CFAP44: variants seen among roughly 807,000 people sequenced by gnomAD.
CFAP44 encodes the protein cilia- and flagella-associated protein 44.
CFAP44 carries 134 observed loss-of-function variants against 216.2 expected under a neutral mutation model. The observed-to-expected ratio is 0.62, with a 90% confidence interval of 0.54 to 0.72. The LOEUF is 0.72. Ranked by LOEUF, CFAP44 falls within the 30% of genes least tolerant of loss-of-function variation. CFAP44 has a pLI of 0.00. For synonymous variants in CFAP44, 700 were observed against 727.6 expected, an observed-to-expected ratio of 0.96 and a Z score of 0.61; for missense variants, 2,035 against 2,182.1, an observed-to-expected ratio of 0.93 and a Z score of 1.34.
intron 13 of CFAP44, chr3:113,397,252 C>T (rs1934016663): frequency 6.5e-6 from 1 of 154,628 alleles, no homozygotes; most frequent in South Asian, 2.0e-4. Context: ...CACAAGCACT[C>T]CTAAGAGAGA....
In CFAP44 at chr3:113,288,303, T is replaced by C. The variant is rs1405208981; in HGVS notation, c.*3254A>G. The C allele has an allele frequency of 2.0e-5, 3 of 152,220 alleles. No homozygotes were observed. Among genetic ancestry groups the C allele is most frequent in the Non-Finnish European group, 2.9e-5 (2 of 68,036 alleles). The allele number at this position is 152,220 out of a possible 1,614,324, so 9.4% of individuals were successfully genotyped here. A position where few individuals can be genotyped will look rare whatever the true frequency, so the allele number is the denominator to read the frequency against. On this transcript the variant is annotated 3_prime_UTR_variant, in exon 35 of 35. Transcript: ENST00000393845. Reference sequence around the variant, plus strand: ...TGCTATTCCTGACTTCTGCATCCTTTTTCCATCAAGCTCAACGTCAGAGAG... The same window carrying C: ...TGCTATTCCTGACTTCTGCATCCTTCTTCCATCAAGCTCAACGTCAGAGAG...
chr3:113,300,605 TA>T (rs1467049867), intron 32 of CFAP44, among the ~76,000 whole-genome samples: 1 of 151,612 alleles, frequency 6.6e-6, no homozygotes, highest in African/African-American at 2.4e-5. Flanking sequence ...GGAAAACCCA[TA>T]ACCAACAAAG....
At chr3:113,426,052 G>A in intron 4 of CFAP44, 72 bp downstream of exon 4, 2 of 1,553,496 alleles carry the variant, frequency 1.3e-6, no homozygotes, top group Admixed American at 1.9e-5. Flanking sequence ...GGCTCCCTGG[G>A]CTATAGTTTG....
At chr3:113,369,401 A>G (rs1001293227) in intron 18 of CFAP44, among the ~76,000 whole-genome samples, 1 of 152,246 alleles carries the variant, frequency 6.6e-6, no homozygotes, top group Admixed American at 6.5e-5. Context: ...AGTGCAATCA[A>G]ACTAGAACTC....
intron 29 of CFAP44, among the ~76,000 whole-genome samples, chr3:113,307,903 C>T (rs1313240705): frequency 6.6e-6 from 1 of 152,136 alleles, no homozygotes. Context: ...TAGCTTGAAC[C>T]CGGGAGGTGG....
intron 12 of CFAP44, 43 bp from the exon 13 acceptor site, chr3:113,400,043 A>AT (rs761113654): frequency 1.5e-6 from 2 of 1,341,824 alleles, no homozygotes; most frequent in Admixed American, 2.5e-5. Context: ...TATATACATA[A>AT]TTTTTTTAAG....
chr3:113,308,976 A>G (rs1950012681), intron 28 of CFAP44, among the ~76,000 whole-genome samples: 1 of 152,176 alleles, frequency 6.6e-6, no homozygotes, highest in African/African-American at 2.4e-5. Flanking sequence ...CTTGGTATGA[A>G]TATTCATGTT....
chr3:113,351,432 T>C (rs1490508785), intron 22 of CFAP44, among the ~76,000 whole-genome samples: 1 of 152,206 alleles, frequency 6.6e-6, no homozygotes, highest in Non-Finnish European at 1.5e-5. Flanking sequence ...GTTTATCTAC[T>C]TCATTATCCT....
intron 6 of CFAP44, among the ~76,000 whole-genome samples, chr3:113,414,203 T>C (rs1400015156): frequency 1.3e-5 from 2 of 152,176 alleles, no homozygotes; most frequent in African/African-American, 4.8e-5. Flanking sequence ...TTTTGCACAT[T>C]GATTTTGTAT....
In CFAP44 at chr3:113,373,450, G is replaced by A. The variant is rs377623503; in HGVS notation, c.2405C>T (p.Ala802Val). The A allele has an allele frequency of 3.4e-5, 54 of 1,604,426 alleles. No individual in the cohort carries two copies. The highest frequency in any genetic ancestry group is 1.3e-4 in the African/African-American group (10 of 74,618). The change falls in exon 18 of 35, where the codon GCG (alanine) becomes GTG (valine). Residue 802 changes from alanine (A) to valine (V), a missense_variant. Ala to Val is a moderately conservative substitution (Grantham distance 64). This residue lies in a region of CFAP44 where 1,883 missense variants were observed against 2,023.7 expected (regional missense o/e 0.93). Transcript: ENST00000393845. ...KDEPIDVRYL[A>V]DTEDNPIQTI... ...TTGGATGGGATTGTCCTCTGTATCCGCAAGATAACGGACATCAATAGGTTC... is the reference window on the plus strand; with the variant it reads ...TTGGATGGGATTGTCCTCTGTATCCACAAGATAACGGACATCAATAGGTTC...
In CFAP44 at chr3:113,441,417, G is replaced by C. The variant is rs138366746; in HGVS notation, c.-6+36C>G. 748 of 985,914 alleles carry C rather than the reference G, an allele frequency of 7.6e-4. 8 individuals are homozygous for C. In the East Asian group the frequency reaches 0.023, roughly 31 times the overall value. The allele number at this position is 985,914 out of a possible 1,614,324, so 61.1% of individuals were successfully genotyped here. On this transcript the variant is annotated intron_variant, in intron 1 of 34. Coordinates refer to ENST00000393845, the MANE Select transcript of CFAP44 (RefSeq NM_001164496.2). ...CTGAGCCACAGATTTAAGGGGGAGGGTGTGGAAACTGCCGGCTGCTGAGGT... is the reference window on the plus strand; with the variant it reads ...CTGAGCCACAGATTTAAGGGGGAGGCTGTGGAAACTGCCGGCTGCTGAGGT...
chr3:113,347,143 G>A (rs902478440), intron 22 of CFAP44, among the ~76,000 whole-genome samples: 17 of 152,192 alleles, frequency 1.1e-4, no homozygotes, highest in Non-Finnish European at 4.4e-5. Flanking sequence ...CCAGTTAAAA[G>A]TGACTAGCGT....
chr3:113,441,419 G>A, intron 1 of CFAP44, 34 bp downstream of exon 1: 1 of 985,930 alleles, frequency 1.0e-6, no homozygotes, highest in Non-Finnish European at 1.2e-6. Flanking sequence ...GGGGGAGGGT[G>A]TGGAAACTGC....
rs550479346 is a variant in CFAP44, at chr3:113,317,133, C to G, written c.4517-8865G>C. Among the ~76,000 whole-genome samples the G allele has an allele frequency of 2.0e-5, 3 of 152,290 alleles. No individual in the cohort carries two copies. In the East Asian group the frequency reaches 5.8e-4, roughly 29 times the overall value. The stretch of plus-strand genomic sequence containing the variant: ...ACTGGGAAAGGGATGAGTAAGAGAA[C>G]TGAGGGATGGCTCACTCTTACCACA... On this transcript the variant is annotated intron_variant, in intron 28 of 34. Coordinates refer to ENST00000393845, the MANE Select transcript of CFAP44 (RefSeq NM_001164496.2).
chr3:113,409,029 A>AAT, intron 7 of CFAP44, 77 bp downstream of exon 7: 2 of 710,110 alleles, frequency 2.8e-6, no homozygotes, highest in Non-Finnish European at 4.3e-6. Flanking sequence ...AAAAAAAAAA[A>AAT]GTCTCCAGCT....
rs1451912217 is a variant in CFAP44 at position 113,288,865 on chromosome 3, CTG to C, written c.*2690_*2691del. On this transcript the variant is annotated 3_prime_UTR_variant, in exon 35 of 35. Coordinates refer to ENST00000393845, the MANE Select transcript of CFAP44 (RefSeq NM_001164496.2). The stretch of plus-strand genomic sequence containing the variant: ...GAAGTTGTGACAGAGGGGCTGGACT[CTG>C]TGGTTTCTTTTTCTTCCAATGCTGA... The C allele has an allele frequency of 1.3e-5, 2 of 152,284 alleles. No homozygotes were observed. The highest frequency in any genetic ancestry group is 6.5e-5 in the Admixed American group (1 of 15,286). 9.4% of individuals were successfully genotyped at this position (152,284 alleles called of 1,614,324 possible). A position where few individuals can be genotyped will look rare whatever the true frequency, so the allele number is the denominator to read the frequency against.
intron 3 of CFAP44, among the ~76,000 whole-genome samples, chr3:113,426,526 A>C (rs976366479): frequency 2.6e-5 from 4 of 152,190 alleles, no homozygotes; most frequent in African/African-American, 9.7e-5. Flanking sequence ...CCATTATGTG[A>C]AGAAGGACAT....
At chr3:113,309,649 A>G (rs1458668482) in intron 28 of CFAP44, among the ~76,000 whole-genome samples, 1 of 152,194 alleles carries the variant, frequency 6.6e-6, no homozygotes, top group Non-Finnish European at 1.5e-5. Context: ...GAGGTCATCT[A>G]TGAACTACAG....
At position 113,401,741 on chromosome 3, in the gene CFAP44, T is replaced by G. The variant is rs199710959; in HGVS notation, c.1171-2A>C. ...GTCTATTGTCTCAAAATCCCATATCTTGTAAAATGAAAAGAAAATACTTTA... is the reference window on the plus strand; with the variant it reads ...GTCTATTGTCTCAAAATCCCATATCGTGTAAAATGAAAAGAAAATACTTTA... On this transcript the variant is annotated splice_acceptor_variant, in intron 9 of 34. Transcript: ENST00000393845. LOFTEE classifies it high-confidence loss of function. 63 of 1,593,344 alleles carry G rather than the reference T, an allele frequency of 4.0e-5. No homozygotes were observed. In the East Asian group the frequency reaches 1.4e-3, roughly 36 times the overall value.
Sources: gnomAD v4.1 joint callset for allele counts (sites outside exome capture counted in the v4.1 genomes callset) on GRCh38, gnomAD v4.1.1 for gene constraint, gnomAD v4.1.1 regional missense constraint, MANE v1.5 for transcripts, NCBI Gene and HGNC (gene_info 2026-07-23, HGNC 2026-07-21) for gene names.